KAZN: variants seen among roughly 807,000 people sequenced by gnomAD.
KAZN encodes kazrin, periplakin interacting protein.
In KAZN, 40 loss-of-function variants were observed where a neutral mutation model predicts 87.4. The observed-to-expected ratio is 0.46, with a 90% CI of 0.36 to 0.60. KAZN has a LOEUF of 0.60. KAZN is among the 20% of genes least tolerant of loss of function. The probability of loss-of-function intolerance (pLI) is 0.00; values close to 1 mark genes in which losing one functional copy is unlikely to be tolerated. For missense variants in KAZN, 898 were observed against 1,073.9 expected, an observed-to-expected ratio of 0.84 and a Z score of 2.29; for synonymous variants, 466 against 458.3, an observed-to-expected ratio of 1.02 and a Z score of -0.22.
chr1:15,103,884 C>A, intron 12 of KAZN, 139 bp from the exon 13 acceptor site: 1 of 822,450 alleles, frequency 1.2e-6, no homozygotes, highest in Non-Finnish European at 1.9e-6. Context: ...GGGAGGGGTT[C>A]CTCTTCACCG....
At chr1:13,956,787 G>A (rs139490102) in intron 1 of KAZN, among the ~76,000 whole-genome samples, 22 of 152,294 alleles carry the variant, frequency 1.4e-4, no homozygotes, top group African/African-American at 5.3e-4. Context: ...TAGAGAAGAT[G>A]TGGGAAGAGA....
At chr1:14,460,664 C>T (rs1667809550) in intron 2 of KAZN, among the ~76,000 whole-genome samples, 1 of 152,220 alleles carries the variant, frequency 6.6e-6, no homozygotes, top group African/African-American at 2.4e-5. Context: ...CATCCCCACA[C>T]ATCAACCAGA....
At chr1:14,914,874 C>CATAGTACTGGTACTTAG (rs1553155562) in intron 1 of KAZN, among the ~76,000 whole-genome samples, 1 of 152,240 alleles carries the variant, frequency 6.6e-6, no homozygotes, top group Non-Finnish European at 1.5e-5. Context: ...CTGGTACTTA[C>CATAGTACTGGTACTTAG]ATAGTACTTC....
At chr1:14,712,779 A>T (rs1304308046) in intron 1 of KAZN, among the ~76,000 whole-genome samples, 1 of 152,228 alleles carries the variant, frequency 6.6e-6, no homozygotes, top group Non-Finnish European at 1.5e-5. Context: ...AGGCTGGAAC[A>T]TTCCCCTAGT....
chr1:14,013,262 A>G (rs969169249), intron 1 of KAZN, among the ~76,000 whole-genome samples: 1 of 152,202 alleles, frequency 6.6e-6, no homozygotes, highest in African/African-American at 2.4e-5. Flanking sequence ...TACCCTGTAA[A>G]CTATTTTTAT....
intron 1 of KAZN, among the ~76,000 whole-genome samples, chr1:14,178,326 T>A (rs977416675): frequency 6.6e-6 from 1 of 152,246 alleles, no homozygotes; most frequent in Non-Finnish European, 1.5e-5. Flanking sequence ...TCTGTTTCCC[T>A]GTCCTCCCCA....
rs1667790903 is a variant in KAZN at position 14,460,360 on chromosome 1, C to A, written c.250-138623C>A. 6.6e-5 allele frequency among the ~76,000 whole-genome samples: 10 copies of A among 152,354 alleles called. No individual in the cohort carries two copies. The South Asian group carries it at 2.1e-3, about 32-fold the overall frequency. ...ACATGGGCAAGTGTGCTAAGCCCAG[C>A]TGGCAGGCCCTACACACAGCTTGGC... On this transcript the variant is annotated intron_variant, in intron 2 of 16. Coordinates refer to the KAZN transcript ENST00000636203.
At chr1:13,923,618 G>C (rs1446390552) in intron 1 of KAZN, among the ~76,000 whole-genome samples, 1 of 151,212 alleles carries the variant, frequency 6.6e-6, no homozygotes, top group Non-Finnish European at 1.5e-5. Flanking sequence ...TTAAGTGGAA[G>C]TGGATCATCA....
At chr1:14,287,127 C>T (rs1282667182) in intron 2 of KAZN, among the ~76,000 whole-genome samples, 1 of 152,098 alleles carries the variant, frequency 6.6e-6, no homozygotes, top group Non-Finnish European at 1.5e-5. Flanking sequence ...TAATAGGAGC[C>T]ACGGGTTAGG....
intron 1 of KAZN, among the ~76,000 whole-genome samples, chr1:14,040,606 A>G (rs1384748829): frequency 2.6e-5 from 4 of 152,126 alleles, no homozygotes; most frequent in African/African-American, 9.6e-5. Context: ...TACTAGAAAT[A>G]CAAAAATTAG....
chr1:13,971,953 T>A (rs909764823), intron 1 of KAZN, among the ~76,000 whole-genome samples: 6 of 152,180 alleles, frequency 3.9e-5, no homozygotes, highest in African/African-American at 1.4e-4. Flanking sequence ...CAGAGGCTGA[T>A]GCTGCCATGC....
At chr1:14,084,352 G>A (rs1299796359) in intron 1 of KAZN, among the ~76,000 whole-genome samples, 1 of 152,062 alleles carries the variant, frequency 6.6e-6, no homozygotes, top group African/African-American at 2.4e-5. Flanking sequence ...ATCCAGGTGG[G>A]GTGTCAGTCA....
chr1:14,046,820 G>A (rs902376909), intron 1 of KAZN, among the ~76,000 whole-genome samples: 5 of 152,170 alleles, frequency 3.3e-5, no homozygotes, highest in African/African-American at 1.2e-4. Context: ...TGTGTTTCCC[G>A]ATTGGAGTCT....
chr1:14,513,895 T>C (rs951567211), intron 2 of KAZN, among the ~76,000 whole-genome samples: 5 of 152,204 alleles, frequency 3.3e-5, no homozygotes, highest in African/African-American at 1.2e-4. Flanking sequence ...TAGAGGTGTC[T>C]TTAATTTCTA....
intron 1 of KAZN, among the ~76,000 whole-genome samples, chr1:14,922,332 G>A (rs1419163239): frequency 2.0e-5 from 3 of 152,076 alleles, no homozygotes; most frequent in Admixed American, 6.5e-5. Flanking sequence ...TAGCTTCTCC[G>A]CTCTCGGGTG....
chr1:14,764,551 C>T (rs61772268), intron 1 of KAZN, among the ~76,000 whole-genome samples: 11 of 151,930 alleles, frequency 7.2e-5, no homozygotes, highest in African/African-American at 2.2e-4. Context: ...CAGGTAGATA[C>T]GGTTGCCTGT....
intron 1 of KAZN, among the ~76,000 whole-genome samples, chr1:14,054,891 T>A (rs61777744): frequency 0.22 from 32,758 of 152,150 alleles, 3,702 homozygotes; most frequent in Middle Eastern, 0.3. Context: ...TCAAGAAGGC[T>A]GCCTGGATGT....
At chr1:14,805,655 G>A (rs934202364) in intron 1 of KAZN, among the ~76,000 whole-genome samples, 1 of 151,998 alleles carries the variant, frequency 6.6e-6, no homozygotes, top group Non-Finnish European at 1.5e-5. Flanking sequence ...CTACTCGGGA[G>A]GCTGAGAAAG....
In KAZN at chr1:14,151,166, T is replaced by C. The variant is rs551285269; in HGVS notation, c.92-29269T>C. Reference sequence around the variant, plus strand: ...ATTTATAAGGCATCCTAGAGTTTCATAGGGTGTTTACTAATTCTGTTTCCA... The same window carrying C: ...ATTTATAAGGCATCCTAGAGTTTCACAGGGTGTTTACTAATTCTGTTTCCA... On this transcript the variant is annotated intron_variant, in intron 1 of 16. Transcript: ENST00000636203. Among the ~76,000 whole-genome samples, 12 of 151,298 alleles carry C rather than the reference T, an allele frequency of 7.9e-5. 1 individual carries two copies. The East Asian group carries it at 2.3e-3, about 29-fold the overall frequency.
Sources: allele counts gnomAD v4.1 joint callset (sites outside exome capture counted in the v4.1 genomes callset), GRCh38; gene constraint gnomAD v4.1.1; transcripts MANE v1.5; gene names NCBI Gene and HGNC (gene_info 2026-07-23, HGNC 2026-07-21).